ASTN2: variants seen among roughly 807,000 people sequenced by gnomAD.
The protein encoded by ASTN2 is astrotactin-2.
Under a neutral mutation model 139.8 loss-of-function variants are expected in ASTN2, and 54 were observed. That is an observed-to-expected ratio of 0.39 (90% CI 0.31 to 0.48). The LOEUF (loss-of-function observed/expected upper bound fraction) is 0.48, where lower values mean the gene tolerates loss of function less well. ASTN2 is among the 20% of genes least tolerant of loss of function. ASTN2 has a pLI of 0.95. For missense variants in ASTN2, 1,565 were observed against 1,725.1 expected (o/e 0.91, Z 1.64); for synonymous variants, 756 against 719.5 (o/e 1.05, Z -0.81).
At chr9:117,259,257 T>C (rs1833764449) in intron 2 of ASTN2, among the ~76,000 whole-genome samples, 1 of 152,198 alleles carries the variant, frequency 6.6e-6, no homozygotes, top group Non-Finnish European at 1.5e-5. Flanking sequence ...TAAAAGCATG[T>C]ATTCACTCAT....
chr9:117,299,445 TA>T (rs1334805805), intron 1 of ASTN2, among the ~76,000 whole-genome samples: 3 of 152,186 alleles, frequency 2.0e-5, no homozygotes, highest in East Asian at 1.9e-4. Context: ...TGGCTGGATC[TA>T]AAAACTCTTC....
At chr9:116,555,149 G>A (rs1006468799) in intron 19 of ASTN2, among the ~76,000 whole-genome samples, 1 of 152,132 alleles carries the variant, frequency 6.6e-6, no homozygotes, top group African/African-American at 2.4e-5. Context: ...AGAGAAAAAC[G>A]GGTCTATAGA....
intron 16 of ASTN2, among the ~76,000 whole-genome samples, chr9:116,710,402 G>C (rs1479338720): frequency 6.6e-6 from 1 of 152,000 alleles, no homozygotes; most frequent in Non-Finnish European, 1.5e-5. Context: ...GATGTTTAGA[G>C]TTAAATATTG....
At chr9:116,962,757 G>A (rs1295190349) in intron 10 of ASTN2, among the ~76,000 whole-genome samples, 6 of 152,100 alleles carry the variant, frequency 3.9e-5, no homozygotes, top group Non-Finnish European at 7.3e-5. Context: ...GAGATAATGT[G>A]TGTTGTCATA....
intron 2 of ASTN2, among the ~76,000 whole-genome samples, chr9:117,237,152 G>A (rs1435627995): frequency 2.0e-5 from 3 of 152,074 alleles, no homozygotes; most frequent in Non-Finnish European, 2.9e-5. Context: ...GAAATATTAG[G>A]TTGGAGCAAA....
intron 13 of ASTN2, among the ~76,000 whole-genome samples, chr9:116,794,553 G>T (rs990161452): frequency 6.6e-6 from 1 of 152,206 alleles, no homozygotes; most frequent in African/African-American, 2.4e-5. Flanking sequence ...AGAGGCCATG[G>T]AGTGTTTAGA....
At chr9:117,006,995 T>A (rs1450709149) in intron 7 of ASTN2, among the ~76,000 whole-genome samples, 1 of 152,142 alleles carries the variant, frequency 6.6e-6, no homozygotes, top group Non-Finnish European at 1.5e-5. Context: ...TGCGTGCCTG[T>A]AATCCCCGCT....
intron 20 of ASTN2, among the ~76,000 whole-genome samples, chr9:116,458,296 A>G (rs1454380639): frequency 6.6e-6 from 1 of 151,998 alleles, no homozygotes; most frequent in Non-Finnish European, 1.5e-5. Flanking sequence ...AACATCTAGT[A>G]TTTGATAGCA....
intron 10 of ASTN2, among the ~76,000 whole-genome samples, chr9:116,885,786 T>A (rs1266608661): frequency 1.3e-5 from 2 of 152,208 alleles, no homozygotes; most frequent in African/African-American, 4.8e-5. Flanking sequence ...GTTCAGCCCA[T>A]ATTACTTCTC....
intron 13 of ASTN2, among the ~76,000 whole-genome samples, chr9:116,786,115 G>A (rs1251511341): frequency 6.6e-6 from 1 of 152,052 alleles, no homozygotes; most frequent in Non-Finnish European, 1.5e-5. Flanking sequence ...AAATGCCAAG[G>A]GTCTTTGAAC....
intron 13 of ASTN2, among the ~76,000 whole-genome samples, chr9:116,748,776 G>A (rs1373546263): frequency 6.6e-6 from 1 of 152,106 alleles, no homozygotes; most frequent in Non-Finnish European, 1.5e-5. Flanking sequence ...GAGCCAGGAT[G>A]TCCAAGTTTT....
chr9:116,821,466 C>T (rs1377130435), intron 11 of ASTN2, among the ~76,000 whole-genome samples: 1 of 152,130 alleles, frequency 6.6e-6, no homozygotes, highest in African/African-American at 2.4e-5. Flanking sequence ...CCACCATTAT[C>T]CCTGGAGCCC....
At chr9:117,171,159 A>C (rs1418304951) in intron 3 of ASTN2, among the ~76,000 whole-genome samples, 2 of 100,754 alleles carry the variant, frequency 2.0e-5, no homozygotes, top group Non-Finnish European at 4.5e-5. Flanking sequence ...ACAAAGGCAA[A>C]AGAAAAAAAG....
chr9:116,667,313 T>C (rs1858927779), intron 16 of ASTN2, among the ~76,000 whole-genome samples: 1 of 152,100 alleles, frequency 6.6e-6, no homozygotes, highest in Non-Finnish European at 1.5e-5. Context: ...GTTAAGGTAA[T>C]TTGAATATGA....
intron 13 of ASTN2, among the ~76,000 whole-genome samples, chr9:116,744,860 C>T (rs1829191971): frequency 6.6e-6 from 1 of 152,172 alleles, no homozygotes; most frequent in Admixed American, 6.5e-5. Flanking sequence ...GCTGTCAGTC[C>T]ACCTCAGCTT....
At chr9:116,957,025 C>T (rs1835726727) in intron 10 of ASTN2, among the ~76,000 whole-genome samples, 1 of 151,160 alleles carries the variant, frequency 6.6e-6, no homozygotes, top group Non-Finnish European at 1.5e-5. Context: ...TGATTCAATG[C>T]AGTCCCTATC....
At chr9:116,460,156 C>T (rs1848443517) in intron 20 of ASTN2, among the ~76,000 whole-genome samples, 1 of 152,074 alleles carries the variant, frequency 6.6e-6, no homozygotes. Flanking sequence ...ACACAAAGGA[C>T]ATATATTGCA....
intron 2 of ASTN2, among the ~76,000 whole-genome samples, chr9:117,240,046 C>G (rs529828441): frequency 6.6e-6 from 1 of 152,238 alleles, no homozygotes; most frequent in South Asian, 2.1e-4. Context: ...CCCAATAAAG[C>G]CATCATAAAG....
At chr9:116,642,463 G>T (rs1461993876) in intron 17 of ASTN2, among the ~76,000 whole-genome samples, 1 of 152,006 alleles carries the variant, frequency 6.6e-6, no homozygotes, top group Non-Finnish European at 1.5e-5. Context: ...ACAGTGTCTG[G>T]CCAATAGGAG....
Sources: allele counts gnomAD v4.1 joint callset (sites outside exome capture counted in the v4.1 genomes callset), GRCh38; gene constraint gnomAD v4.1.1; transcripts MANE v1.5; gene names NCBI Gene and HGNC (gene_info 2026-07-23, HGNC 2026-07-21).